Variants in ROBO1 observed in about 807,000 individuals in gnomAD.
ROBO1 encodes the protein roundabout guidance receptor 1, also known as roundabout homolog 1.
In ROBO1, 149 loss-of-function variants were observed where a neutral mutation model predicts 195.9. The ratio of observed to expected loss-of-function variants is 0.76; its 90% CI spans 0.67 to 0.87. ROBO1 has a LOEUF of 0.87. ROBO1 is among the 40% of genes least tolerant of loss of function. The pLI is 0.00. For missense variants in ROBO1, 1,933 were observed against 2,068.3 expected (o/e 0.93, Z 1.27); for synonymous variants, 816 against 733.2 (o/e 1.11, Z -1.82).
At chr3:79,588,308 C>A (rs1943893612) in intron 2 of ROBO1, among the ~76,000 whole-genome samples, 1 of 151,620 alleles carries the variant, frequency 6.6e-6, no homozygotes, top group Admixed American at 6.6e-5. Flanking sequence ...CCTAGATAAA[C>A]CTTGTACCTT....
chr3:78,814,645 A>C (rs1223269060), intron 4 of ROBO1, among the ~76,000 whole-genome samples: 2 of 152,144 alleles, frequency 1.3e-5, no homozygotes, highest in African/African-American at 4.8e-5. Context: ...ATGATGTAAA[A>C]AATTCCTAAG....
At chr3:79,541,547 A>C (rs1942066770) in intron 2 of ROBO1, among the ~76,000 whole-genome samples, 1 of 152,078 alleles carries the variant, frequency 6.6e-6, no homozygotes, top group African/African-American at 2.4e-5. Flanking sequence ...TATGCATATA[A>C]AATATTCCTC....
intron 2 of ROBO1, among the ~76,000 whole-genome samples, chr3:79,240,675 CT>C (rs571079474): frequency 1.7e-3 from 259 of 152,182 alleles, no homozygotes; most frequent in African/African-American, 6.0e-3. Context: ...GAGACAGAGT[CT>C]CACTCTGTCA....
At chr3:79,542,992 T>C (rs559495837) in intron 2 of ROBO1, among the ~76,000 whole-genome samples, 1 of 152,230 alleles carries the variant, frequency 6.6e-6, no homozygotes, top group South Asian at 2.1e-4. Context: ...AATGATTGTA[T>C]ATGACAAGGA....
At chr3:79,324,269 C>T (rs1360083640) in intron 2 of ROBO1, among the ~76,000 whole-genome samples, 1 of 152,076 alleles carries the variant, frequency 6.6e-6, no homozygotes, top group Non-Finnish European at 1.5e-5. Flanking sequence ...AATAGTTCAA[C>T]AAAAATTTAT....
chr3:79,133,384 T>C (rs1161044223), intron 2 of ROBO1, among the ~76,000 whole-genome samples: 1 of 124,338 alleles, frequency 8.0e-6, no homozygotes, highest in African/African-American at 3.1e-5. Context: ...TGCTCATTTC[T>C]TTTTATTCTT....
intron 1 of ROBO1, among the ~76,000 whole-genome samples, chr3:79,711,930 G>T (rs1576267966): frequency 7.0e-6 from 1 of 142,404 alleles, no homozygotes; most frequent in East Asian, 2.3e-4. Context: ...TGGGCGGGTG[G>T]GTGGGGGAGC....
At chr3:79,175,805 C>T (rs758841025) in intron 2 of ROBO1, among the ~76,000 whole-genome samples, 69 of 152,278 alleles carry the variant, frequency 4.5e-4, no homozygotes, top group African/African-American at 8.4e-4. Flanking sequence ...ATTATTGGCA[C>T]GTGGTTCTTA....
At chr3:79,675,757 C>T (rs981746449) in intron 1 of ROBO1, among the ~76,000 whole-genome samples, 2 of 151,994 alleles carry the variant, frequency 1.3e-5, no homozygotes, top group African/African-American at 4.8e-5. Flanking sequence ...AAAATATTTA[C>T]TAAATCTTTT....
At chr3:79,223,985 A>ATG (rs1177718191) in intron 2 of ROBO1, among the ~76,000 whole-genome samples, 2 of 152,196 alleles carry the variant, frequency 1.3e-5, no homozygotes, top group Non-Finnish European at 2.9e-5. Context: ...TCTAGGACAA[A>ATG]TGTGTGTATA....
intron 2 of ROBO1, among the ~76,000 whole-genome samples, chr3:79,394,218 A>T (rs1397175177): frequency 1.3e-5 from 2 of 152,140 alleles, no homozygotes; most frequent in Non-Finnish European, 2.9e-5. Context: ...TTTGTATGTG[A>T]GGAGAAGCTA....
At chr3:78,995,874 G>C (rs907506081) in intron 3 of ROBO1, among the ~76,000 whole-genome samples, 4 of 152,048 alleles carry the variant, frequency 2.6e-5, no homozygotes, top group African/African-American at 9.7e-5. Context: ...TACAGGATCA[G>C]GTAGTTAAGT....
chr3:78,892,441 A>G (rs1408921469), intron 4 of ROBO1, among the ~76,000 whole-genome samples: 1 of 152,144 alleles, frequency 6.6e-6, no homozygotes, highest in Non-Finnish European at 1.5e-5. Context: ...CCAGATTATC[A>G]CCTTGGGCAA....
At chr3:79,317,954 G>T (rs1487721368) in intron 2 of ROBO1, among the ~76,000 whole-genome samples, 1 of 151,922 alleles carries the variant, frequency 6.6e-6, no homozygotes, top group African/African-American at 2.4e-5. Flanking sequence ...TAAGAAATTG[G>T]CTCATGTGGG....
At chr3:79,142,064 G>C (rs930300356) in intron 2 of ROBO1, among the ~76,000 whole-genome samples, 1 of 151,916 alleles carries the variant, frequency 6.6e-6, no homozygotes, top group South Asian at 2.1e-4. Flanking sequence ...TTTTCCAAAA[G>C]AGACATTCTT....
At chr3:79,051,512 A>G (rs1371337492) in intron 3 of ROBO1, among the ~76,000 whole-genome samples, 1 of 152,204 alleles carries the variant, frequency 6.6e-6, no homozygotes, top group Non-Finnish European at 1.5e-5. Context: ...TTCTGAAACT[A>G]TTCCAATCAA....
chr3:79,052,789 G>T (rs1205526750), intron 3 of ROBO1, among the ~76,000 whole-genome samples: 1 of 152,074 alleles, frequency 6.6e-6, no homozygotes, highest in Non-Finnish European at 1.5e-5. Flanking sequence ...GTGCATGTGG[G>T]AACCCAATTC....
chr3:79,589,510 C>G (rs968355122), intron 2 of ROBO1, among the ~76,000 whole-genome samples: 23 of 151,646 alleles, frequency 1.5e-4, no homozygotes, highest in African/African-American at 5.1e-4. Flanking sequence ...TGTTACACAC[C>G]TTTTCCCTAC....
At chr3:79,297,537 C>T (rs1284762833) in intron 2 of ROBO1, among the ~76,000 whole-genome samples, 1 of 152,030 alleles carries the variant, frequency 6.6e-6, no homozygotes, top group Non-Finnish European at 1.5e-5. Context: ...ACAAAAACTC[C>T]CTCTTTTGCA....
Sources: allele counts gnomAD v4.1 joint callset (sites outside exome capture counted in the v4.1 genomes callset), GRCh38; gene constraint gnomAD v4.1.1; transcripts MANE v1.5; gene names NCBI Gene and HGNC (gene_info 2026-07-23, HGNC 2026-07-21).